The following ESR2 variants were observed in gnomAD, a reference collection of about 807,000 sequenced individuals.
ESR2 encodes estrogen receptor 2, also known as estrogen receptor beta.
In ESR2, 36 loss-of-function variants were observed where a neutral mutation model predicts 49.6. That is an observed-to-expected ratio of 0.73 (90% CI 0.56 to 0.96). ESR2 has a LOEUF of 0.96. Ranked by LOEUF, ESR2 falls within the 40% of genes least tolerant of loss-of-function variation. ESR2 has a pLI of 0.00. For synonymous variants in ESR2, 320 were observed against 266.1 expected, an observed-to-expected ratio of 1.20 and a Z score of -1.97; for missense variants, 714 against 693.0, an observed-to-expected ratio of 1.03 and a Z score of -0.34.
intron 1 of ESR2, chr14:64,330,498 AG>A (rs1437999152): frequency 6.6e-6 from 1 of 152,062 alleles, no homozygotes; most frequent in Non-Finnish European, 1.5e-5. Context: ...CAAAATTTGC[AG>A]GGTGGGCCAA....
intron 1 of ESR2, among the ~76,000 whole-genome samples, chr14:64,292,065 A>C (rs964121799): frequency 6.6e-6 from 1 of 152,198 alleles, no homozygotes; most frequent in African/African-American, 2.4e-5. Context: ...ATCTGCTAAG[A>C]ACTAAATCTA....
At chr14:64,276,977 G>C (rs940514865) in intron 3 of ESR2, among the ~76,000 whole-genome samples, 2 of 152,170 alleles carry the variant, frequency 1.3e-5, no homozygotes, top group African/African-American at 4.8e-5. Flanking sequence ...TGCATCCGTA[G>C]AGCCTGGTAC....
intron 7 of ESR2, among the ~76,000 whole-genome samples, chr14:64,243,550 T>C (rs1003966474): frequency 5.3e-5 from 8 of 152,244 alleles, no homozygotes; most frequent in African/African-American, 9.6e-5. Flanking sequence ...TCTTGAGCTT[T>C]GTGCTGGGAT....
At chr14:64,271,865 G>A (rs1335503047) in intron 3 of ESR2, among the ~76,000 whole-genome samples, 62 of 152,198 alleles carry the variant, frequency 4.1e-4, no homozygotes, top group Admixed American at 4.1e-3. Context: ...CAACAAACAT[G>A]GGACTGCAGA....
intron 1 of ESR2, among the ~76,000 whole-genome samples, chr14:64,315,922 G>C (rs1294821268): frequency 1.3e-5 from 2 of 152,124 alleles, no homozygotes; most frequent in Non-Finnish European, 2.9e-5. Context: ...CAGAGTGCTG[G>C]GATTACAGGC....
chr14:64,245,913 T>C (rs1324160573), intron 7 of ESR2, among the ~76,000 whole-genome samples: 2 of 152,240 alleles, frequency 1.3e-5, no homozygotes. Flanking sequence ...TGATCTTCCA[T>C]TGCCAAGATG....
intron 1 of ESR2, among the ~76,000 whole-genome samples, chr14:64,288,219 G>A (rs1302984166): frequency 1.3e-5 from 2 of 151,826 alleles, no homozygotes; most frequent in Non-Finnish European, 2.9e-5. Context: ...GTACTGGCTG[G>A]GAAACATACT....
intron 1 of ESR2, among the ~76,000 whole-genome samples, chr14:64,320,514 G>C (rs1435266535): frequency 6.6e-6 from 1 of 152,162 alleles, no homozygotes; most frequent in Admixed American, 6.6e-5. Flanking sequence ...TGTAATGATG[G>C]ATACTTGTAA....
At chr14:64,281,139 G>T (rs933579807) in intron 2 of ESR2, among the ~76,000 whole-genome samples, 1 of 152,152 alleles carries the variant, frequency 6.6e-6, no homozygotes, top group African/African-American at 2.4e-5. Flanking sequence ...GAGAAGAGAA[G>T]AGAGAGAACA....
At chr14:64,270,289 G>C (rs895986930) in intron 3 of ESR2, among the ~76,000 whole-genome samples, 5 of 152,258 alleles carry the variant, frequency 3.3e-5, no homozygotes, top group African/African-American at 1.2e-4. Flanking sequence ...GCACGTGTAG[G>C]TGGTAAAACC....
chr14:64,234,915 T>C, intron 8 of ESR2, 55 bp downstream of exon 8: 1 of 1,590,344 alleles, frequency 6.3e-7, no homozygotes, highest in East Asian at 2.3e-5. Context: ...TCACCCTCCG[T>C]GGAGCACATA....
chr14:64,245,142 C>A (rs2075821166), intron 7 of ESR2, among the ~76,000 whole-genome samples: 2 of 152,134 alleles, frequency 1.3e-5, no homozygotes, highest in South Asian at 2.1e-4. Context: ...CTTAACCTAG[C>A]AGTGAAAATT....
chr14:64,252,092 G>A (rs1209306719), intron 6 of ESR2, among the ~76,000 whole-genome samples: 1 of 152,160 alleles, frequency 6.6e-6, no homozygotes, highest in Non-Finnish European at 1.5e-5. Context: ...CAAAGTGGGA[G>A]GATCACTTGA....
intron 6 of ESR2, among the ~76,000 whole-genome samples, chr14:64,255,096 G>C (rs1169227307): frequency 6.6e-6 from 1 of 152,086 alleles, no homozygotes; most frequent in Non-Finnish European, 1.5e-5. Flanking sequence ...AACGCATACA[G>C]AGAAATGGGA....
At chr14:64,253,618 G>GTA (rs748150831) in intron 6 of ESR2, among the ~76,000 whole-genome samples, 1,623 of 147,590 alleles carry the variant, frequency 0.011, 14 homozygotes, top group African/African-American at 0.014. Flanking sequence ...GTATGTGTGT[G>GTA]TATATATATA....
At chr14:64,310,590 G>A (rs1399202415) in intron 1 of ESR2, among the ~76,000 whole-genome samples, 1 of 150,970 alleles carries the variant, frequency 6.6e-6, no homozygotes, top group African/African-American at 2.4e-5. Context: ...TCCTGCCTCT[G>A]CCTCCCAAGC....
In ESR2 at chr14:64,232,440, T is replaced by C. The variant is rs967335467; in HGVS notation, c.*697A>G. On this transcript the variant is annotated 3_prime_UTR_variant, in exon 9 of 9. Coordinates refer to ENST00000341099, the MANE Select transcript of ESR2 (RefSeq NM_001437.3). ...CTCCCACAGTCCTGCATGAAAATGA[T>C]CACACGCTCATACACACATACCCCA... The C allele has an allele frequency of 2.0e-5, 3 of 152,264 alleles. No homozygotes were observed. Among genetic ancestry groups the C allele is most frequent in the Non-Finnish European group, 4.4e-5 (3 of 68,060 alleles). The allele number at this position is 152,264 out of a possible 1,614,324, so 9.4% of individuals were successfully genotyped here.
chr14:64,302,808 GT>G (rs1354804704), intron 1 of ESR2, among the ~76,000 whole-genome samples: 8 of 151,806 alleles, frequency 5.3e-5, no homozygotes, highest in African/African-American at 1.9e-4. Context: ...TTGTTGTTTT[GT>G]TTTTTTGAGA....
intron 1 of ESR2, among the ~76,000 whole-genome samples, chr14:64,329,137 A>G (rs913107696): frequency 4.6e-5 from 7 of 152,146 alleles, no homozygotes; most frequent in Admixed American, 3.9e-4. Flanking sequence ...GATCAGAAAG[A>G]TGCCTTATGA....
Sources: allele counts gnomAD v4.1 joint callset (sites outside exome capture counted in the v4.1 genomes callset), GRCh38; gene constraint gnomAD v4.1.1; transcripts MANE v1.5; gene names NCBI Gene and HGNC (gene_info 2026-07-23, HGNC 2026-07-21).